Variants in PEX5L observed in about 807,000 individuals in gnomAD.
PEX5L encodes PEX5-related protein.
PEX5L carries 30 observed loss-of-function variants against 84.0 expected under a neutral mutation model. The ratio of observed to expected loss-of-function variants is 0.36; its 90% CI spans 0.27 to 0.48. The LOEUF (loss-of-function observed/expected upper bound fraction) is 0.48, where lower values mean the gene tolerates loss of function less well. PEX5L is among the 20% of genes least tolerant of loss of function. The pLI, the probability that PEX5L is intolerant of heterozygous loss-of-function variation, is 0.99. For synonymous variants in PEX5L, 270 were observed against 283.1 expected (o/e 0.95, Z 0.46); for missense variants, 533 against 754.6 (o/e 0.71, Z 3.44).
At chr3:179,959,857 T>G (rs1313929451) in intron 2 of PEX5L, among the ~76,000 whole-genome samples, 1 of 152,168 alleles carries the variant, frequency 6.6e-6, no homozygotes, top group Non-Finnish European at 1.5e-5. Flanking sequence ...TAAGGACAAA[T>G]TATTTTTTAG....
At position 179,936,118 on chromosome 3, in the gene PEX5L, C is replaced by G. The variant is rs150126466; in HGVS notation, c.93+35476G>C. The stretch of plus-strand genomic sequence containing the variant: ...TCAAGACAGTAGCTGTCATCGCAGT[C>G]CACTGTATGTTGTATGTGTGTTTCT... On this transcript the variant is annotated intron_variant, in intron 2 of 14. Coordinates refer to ENST00000467460, the MANE Select transcript of PEX5L (RefSeq NM_016559.3). 3.0e-3 allele frequency among the ~76,000 whole-genome samples: 453 copies of G among 152,234 alleles called. 2 individuals carry two copies. The highest frequency in any genetic ancestry group is 0.011 in the African/African-American group (440 of 41,540).
At chr3:179,809,372 T>G in intron 12 of PEX5L, 99 bp downstream of exon 12, 1 of 831,214 alleles carries the variant, frequency 1.2e-6, no homozygotes, top group East Asian at 2.4e-5. Flanking sequence ...CATTCTGGAG[T>G]GGGTGGTGTC....
intron 2 of PEX5L, among the ~76,000 whole-genome samples, chr3:179,928,137 T>C (rs1315868467): frequency 6.6e-6 from 1 of 152,192 alleles, no homozygotes. Context: ...TTGTTTAACA[T>C]TTGCCAACAA....
chr3:179,818,676 G>T (rs1309699322), intron 9 of PEX5L, among the ~76,000 whole-genome samples: 2 of 143,034 alleles, frequency 1.4e-5, no homozygotes, highest in Admixed American at 7.2e-5. Flanking sequence ...TTTAAATTTA[G>T]CTCCCACAAA....
rs143025681 is a variant in PEX5L at position 179,974,032 on chromosome 3, G to A, written c.22-2367C>T. On this transcript the variant is annotated intron_variant, in intron 1 of 14. Coordinates refer to ENST00000467460, the MANE Select transcript of PEX5L (RefSeq NM_016559.3). ...CTCACTTACTGCTTATTTCTAGTGCGAGCATAATCCTCTTTCAAGCACTCA... is the reference window on the plus strand; with the variant it reads ...CTCACTTACTGCTTATTTCTAGTGCAAGCATAATCCTCTTTCAAGCACTCA... 48 of 985,410 alleles carry A rather than the reference G, an allele frequency of 4.9e-5. No homozygotes were observed. The African/African-American group carries it at 6.6e-4, about 14-fold the overall frequency. 61.0% of individuals were successfully genotyped at this position (985,410 alleles called of 1,614,324 possible).
chr3:180,000,084 A>G (rs1358905211), intron 1 of PEX5L, among the ~76,000 whole-genome samples: 1 of 152,182 alleles, frequency 6.6e-6, no homozygotes, highest in Non-Finnish European at 1.5e-5. Flanking sequence ...CTAGTGATCC[A>G]CTAGCAAGAT....
At chr3:179,911,194 A>AG (rs1765050114) in intron 2 of PEX5L, among the ~76,000 whole-genome samples, 1 of 152,148 alleles carries the variant, frequency 6.6e-6, no homozygotes, top group African/African-American at 2.4e-5. Context: ...GGGGAAGAAA[A>AG]CAGTTGTCAA....
chr3:179,853,597 C>T (rs944236313), intron 8 of PEX5L, among the ~76,000 whole-genome samples: 1 of 152,150 alleles, frequency 6.6e-6, no homozygotes, highest in African/African-American at 2.4e-5. Flanking sequence ...TGCATTTAGG[C>T]TGCTGGCTAT....
intron 3 of PEX5L, among the ~76,000 whole-genome samples, chr3:179,889,128 T>C (rs1756842623): frequency 6.6e-6 from 1 of 152,120 alleles, no homozygotes; most frequent in South Asian, 2.1e-4. Context: ...TTAAGAGGCA[T>C]AAAATAGCAA....
intron 8 of PEX5L, among the ~76,000 whole-genome samples, chr3:179,854,760 A>T (rs6784386): frequency 3.3e-5 from 5 of 151,562 alleles, no homozygotes; most frequent in Admixed American, 2.6e-4. Context: ...CGTAGGCACC[A>T]GACATTGTTC....
chr3:180,004,252 T>C (rs1280857203), intron 1 of PEX5L, among the ~76,000 whole-genome samples: 1 of 152,242 alleles, frequency 6.6e-6, no homozygotes, highest in African/African-American at 2.4e-5. Flanking sequence ...GCTACATTGA[T>C]GGTCAAATTT....
At chr3:179,818,239 CTA>C (rs1214884615) in intron 9 of PEX5L, among the ~76,000 whole-genome samples, 1 of 151,734 alleles carries the variant, frequency 6.6e-6, no homozygotes, top group Non-Finnish European at 1.5e-5. Flanking sequence ...ATATACTTAT[CTA>C]TATATAGTTT....
intron 1 of PEX5L, among the ~76,000 whole-genome samples, chr3:180,021,888 T>C (rs907515578): frequency 2.6e-5 from 4 of 152,212 alleles, no homozygotes; most frequent in Non-Finnish European, 5.9e-5. Flanking sequence ...ACCAGAATAA[T>C]GTGCAGTATA....
chr3:179,888,929 T>C (rs1251936540), intron 3 of PEX5L, among the ~76,000 whole-genome samples: 1 of 151,864 alleles, frequency 6.6e-6, no homozygotes, highest in Non-Finnish European at 1.5e-5. Context: ...TATGGCCGGC[T>C]AATTTTTAAA....
Position 179,915,725 on chromosome 3 carries a change from T to C in PEX5L, c.94-17479A>G, listed in dbSNP as rs1578401627. Among the ~76,000 whole-genome samples the C allele has an allele frequency of 3.9e-5, 6 of 152,330 alleles. No individual in the cohort carries two copies. The South Asian group carries it at 8.3e-4, about 21-fold the overall frequency. ...GGAGAAGATGGCTGTGTATGAGATG[T>C]ATTCTCTACTTTGAAGCCTCCAGGA... On this transcript the variant is annotated intron_variant, in intron 2 of 14. Coordinates refer to ENST00000467460, the MANE Select transcript of PEX5L (RefSeq NM_016559.3).
At chr3:179,976,156 T>C (rs2110302445) in intron 1 of PEX5L, among the ~76,000 whole-genome samples, 1 of 152,126 alleles carries the variant, frequency 6.6e-6, no homozygotes, top group East Asian at 1.9e-4. Context: ...ACTCAGTAAA[T>C]GATGAGGAAG....
chr3:179,803,966 C>G (rs546052039), intron 14 of PEX5L: 1 of 152,216 alleles, frequency 6.6e-6, no homozygotes, highest in Non-Finnish European at 1.5e-5. Context: ...TTGAGTAGAC[C>G]TTTTTGCCCC....
intron 2 of PEX5L, among the ~76,000 whole-genome samples, chr3:179,959,352 C>T (rs1331997839): frequency 6.6e-6 from 1 of 152,154 alleles, no homozygotes; most frequent in Non-Finnish European, 1.5e-5. Context: ...CTCCCAAATG[C>T]TCCTGGGAGC....
At chr3:179,983,638 G>A (rs1477973001) in intron 1 of PEX5L, among the ~76,000 whole-genome samples, 1 of 151,940 alleles carries the variant, frequency 6.6e-6, no homozygotes, top group African/African-American at 2.4e-5. Context: ...TTACTTAAAA[G>A]TATGACAAGC....
Sources: gnomAD v4.1 joint callset for allele counts (sites outside exome capture counted in the v4.1 genomes callset) on GRCh38, gnomAD v4.1.1 for gene constraint, MANE v1.5 for transcripts, NCBI Gene and HGNC (gene_info 2026-07-23, HGNC 2026-07-21) for gene names.